The following RPSA2 variants were observed in gnomAD, a reference collection of about 807,000 sequenced individuals.
RPSA2 encodes ribosomal protein SA 2, also known as small ribosomal subunit protein uS2B.
the RPSA2 span, among the ~76,000 whole-genome samples, chr19:23,793,005 C>G: frequency 1.3e-5 from 2 of 152,068 alleles, no homozygotes; most frequent in Non-Finnish European, 2.9e-5. Flanking sequence ...TGTATGGTGG[C>G]TCAGACTGAG....
At chr19:23,763,470 G>A in the RPSA2 span, among the ~76,000 whole-genome samples, 1 of 152,222 alleles carries the variant, frequency 6.6e-6, no homozygotes, top group Admixed American at 6.5e-5. Flanking sequence ...GGGGCTCCCA[G>A]TGTCTTTTGT....
chr19:23,820,332 G>A, the RPSA2 span, among the ~76,000 whole-genome samples: 11 of 152,150 alleles, frequency 7.2e-5, no homozygotes, highest in Non-Finnish European at 1.2e-4. Flanking sequence ...CACAAATTTG[G>A]AGGCCACCAT....
At chr19:23,827,959 C>G in the RPSA2 span, 1 of 911,086 alleles carries the variant, frequency 1.1e-6, no homozygotes, top group Non-Finnish European at 1.7e-6. Context: ...CTACTGAAGA[C>G]TGGAGCGCTC....
chr19:23,839,115 A>C, the RPSA2 span, among the ~76,000 whole-genome samples: 1 of 152,158 alleles, frequency 6.6e-6, no homozygotes, highest in Non-Finnish European at 1.5e-5. Context: ...GCTGTATCCC[A>C]GAGGTTTTGA....
At chr19:23,855,613 A>G in the RPSA2 span, among the ~76,000 whole-genome samples, 4 of 152,204 alleles carry the variant, frequency 2.6e-5, no homozygotes, top group African/African-American at 9.6e-5. Context: ...CAGGAAAAGC[A>G]TGTGTAGATA....
chr19:23,777,139 G>C, the RPSA2 span, among the ~76,000 whole-genome samples: 1 of 151,918 alleles, frequency 6.6e-6, no homozygotes, highest in Non-Finnish European at 1.5e-5. Context: ...TTTTCACAAG[G>C]GGCATTGTGA....
At chr19:23,868,892 G>A in the RPSA2 span, among the ~76,000 whole-genome samples, 1 of 152,100 alleles carries the variant, frequency 6.6e-6, no homozygotes, top group Non-Finnish European at 1.5e-5. Flanking sequence ...GTGCAAAAAT[G>A]GACAGAAGGC....
chr19:23,778,681 C>G, the RPSA2 span, among the ~76,000 whole-genome samples: 1 of 152,054 alleles, frequency 6.6e-6, no homozygotes, highest in Non-Finnish European at 1.5e-5. Flanking sequence ...TCTGCATGAT[C>G]CCAGCCCACA....
the RPSA2 span, among the ~76,000 whole-genome samples, chr19:23,837,257 A>T: frequency 5.3e-5 from 8 of 151,500 alleles, no homozygotes; most frequent in Non-Finnish European, 5.9e-5. Flanking sequence ...TCCCCACTTT[A>T]TGTTTTTGTT....
At chr19:23,864,329 T>C in the RPSA2 span, among the ~76,000 whole-genome samples, 1 of 152,240 alleles carries the variant, frequency 6.6e-6, no homozygotes, top group African/African-American at 2.4e-5. Context: ...TAACATTCCA[T>C]TAATTTCCTC....
At chr19:23,847,206 TTC>T in the RPSA2 span, among the ~76,000 whole-genome samples, 1 of 151,886 alleles carries the variant, frequency 6.6e-6, no homozygotes, top group African/African-American at 2.4e-5. Context: ...CAATTTTTGT[TTC>T]TTTTTTTTTT....
chr19:23,763,344 C>A, the RPSA2 span, among the ~76,000 whole-genome samples: 1 of 152,218 alleles, frequency 6.6e-6, no homozygotes, highest in Non-Finnish European at 1.5e-5. Flanking sequence ...GTCTGGAGCC[C>A]CCTGAGCAAG....
the RPSA2 span, among the ~76,000 whole-genome samples, chr19:23,770,981 G>C: frequency 6.6e-6 from 1 of 152,190 alleles, no homozygotes; most frequent in Admixed American, 6.5e-5. Context: ...TAAACAACCA[G>C]TAGCAGATGT....
chr19:23,782,712 G>A, the RPSA2 span, among the ~76,000 whole-genome samples: 5 of 152,250 alleles, frequency 3.3e-5, no homozygotes, highest in East Asian at 9.7e-4. Flanking sequence ...AGTGGGAATT[G>A]TGATATGCCA....
At chr19:23,823,336 C>T in the RPSA2 span, among the ~76,000 whole-genome samples, 1 of 152,150 alleles carries the variant, frequency 6.6e-6, no homozygotes, top group Non-Finnish European at 1.5e-5. Context: ...AGTTTTCAGA[C>T]ACTGCTTAGC....
At chr19:23,789,023 C>CTTTTTTTTTTTTTTTTT in the RPSA2 span, among the ~76,000 whole-genome samples, 1 of 129,418 alleles carries the variant, frequency 7.7e-6, no homozygotes, top group Non-Finnish European at 1.6e-5. Flanking sequence ...TTCTTTCTTT[C>CTTTTTTTTTTTTTTTTT]TTTTTTTTTT....
the RPSA2 span, among the ~76,000 whole-genome samples, chr19:23,804,428 C>T: frequency 1.3e-5 from 2 of 149,478 alleles, no homozygotes; most frequent in Non-Finnish European, 3.0e-5. Flanking sequence ...TCCTGAGTAG[C>T]TGGGACTACA....
chr19:23,813,730 C>CTTTTTTT, the RPSA2 span, among the ~76,000 whole-genome samples: 129,862 of 136,724 alleles, frequency 0.95, 62,055 homozygotes, highest in South Asian at 0.99. Context: ...ACACGGGTTT[C>CTTTTTTT]TTTTTTTTTT....
At chr19:23,861,821 GAC>G in the RPSA2 span, among the ~76,000 whole-genome samples, 3 of 152,146 alleles carry the variant, frequency 2.0e-5, no homozygotes, top group Non-Finnish European at 2.9e-5. Context: ...ACCCTGAGTT[GAC>G]ACACTTATAT....
Sources: allele counts gnomAD v4.1 joint callset (sites outside exome capture counted in the v4.1 genomes callset), GRCh38; gene constraint gnomAD v4.1.1; transcripts MANE v1.5; gene names NCBI Gene and HGNC (gene_info 2026-07-23, HGNC 2026-07-21).